ZNF197: variants seen among roughly 807,000 people sequenced by gnomAD.
ZNF197 encodes the protein zinc finger protein 197.
A neutral mutation model predicts 27.4 loss-of-function variants in ZNF197; 14 were observed. The observed-to-expected ratio is 0.51, with a 90% CI of 0.34 to 0.80. The LOEUF (loss-of-function observed/expected upper bound fraction) is 0.80. Among genes scored for constraint, ZNF197 ranks in the 30% least tolerant of loss-of-function variants. ZNF197 has a pLI of 0.02. For synonymous variants in ZNF197, 415 were observed against 420.0 expected, an observed-to-expected ratio of 0.99 and a Z score of 0.15; for missense variants, 1,090 against 1,222.6, an observed-to-expected ratio of 0.89 and a Z score of 1.62.
At chr3:44,641,209 T>C (rs1404940470) in intron 5 of ZNF197, among the ~76,000 whole-genome samples, 1 of 152,242 alleles carries the variant, frequency 6.6e-6, no homozygotes, top group Non-Finnish European at 1.5e-5. Context: ...TTTCATACTT[T>C]TATTCTATTT....
rs1340465791 is a variant in ZNF197, at chr3:44,646,377, A to G, written c.*2157A>G. The G allele has an allele frequency of 3.2e-6, 5 of 1,567,312 alleles. No homozygotes were observed. On this transcript the variant is annotated 3_prime_UTR_variant, in exon 6 of 6. Transcript: ENST00000344387. Reference sequence around the variant, plus strand: ...GATTTACCTCTTCACCGAGTAACAAAATGTCACATTGCTTAGATTGAGACA... The same window carrying G: ...GATTTACCTCTTCACCGAGTAACAAGATGTCACATTGCTTAGATTGAGACA...
At chr3:44,638,071 A>G (rs1366983598) in intron 5 of ZNF197, among the ~76,000 whole-genome samples, 1 of 152,156 alleles carries the variant, frequency 6.6e-6, no homozygotes, top group Non-Finnish European at 1.5e-5. Flanking sequence ...TCAATGTTAA[A>G]TCTTTTAATC....
At chr3:44,628,625 C>T (rs1283284885) in intron 1 of ZNF197, among the ~76,000 whole-genome samples, 2 of 152,180 alleles carry the variant, frequency 1.3e-5, no homozygotes, top group African/African-American at 2.4e-5. Flanking sequence ...AACCCGTATA[C>T]CAGGCACTGT....
intron 5 of ZNF197, among the ~76,000 whole-genome samples, chr3:44,636,879 T>C (rs1702325347): frequency 6.6e-6 from 1 of 152,188 alleles, no homozygotes. Context: ...TTATTATCTG[T>C]CTTTTTTATT....
At chr3:44,635,083 G>T (rs1702208255) in intron 5 of ZNF197, among the ~76,000 whole-genome samples, 1 of 151,326 alleles carries the variant, frequency 6.6e-6, no homozygotes. Flanking sequence ...GGATTAATTG[G>T]CTAATTTTAT....
Position 44,643,301 on chromosome 3 carries a change from A to G in ZNF197, c.2171A>G (p.His724Arg). 1 of 1,613,936 alleles carries G rather than the reference A, an allele frequency of 6.2e-7. No homozygotes were observed. Among genetic ancestry groups the G allele is most frequent in the Non-Finnish European group, 8.5e-7 (1 of 1,179,964 alleles). ...TFIMSKSFMV[H>R]QKLHTQEKAY... The stretch of plus-strand genomic sequence containing the variant: ...ATTATGAGCAAAAGTTTTATGGTCC[A>G]TCAGAAACTCCATACACAAGAGAAA... The change falls in exon 6 of 6, where the codon CAT becomes CGT. Residue 724 changes from histidine to arginine, a missense_variant. His to Arg is a conservative substitution (Grantham distance 29, BLOSUM62 0). Transcript: ENST00000344387.
At position 44,643,736 on chromosome 3, in the gene ZNF197, G is replaced by A. The variant is rs1702773654; in HGVS notation, c.2606G>A (p.Ser869Asn). 6.2e-7 allele frequency: 1 copy of A among 1,614,000 alleles called. No homozygotes were observed. Among genetic ancestry groups the A allele is most frequent in the Non-Finnish European group, 8.5e-7 (1 of 1,180,012 alleles). The part of the protein sequence containing the change: ...RNLIEHQRIH[S>N]GEKTYECHVC... Reference sequence around the variant, plus strand: ...CTGATTGAACATCAAAGAATTCACAGTGGAGAAAAAACCTACGAATGTCAT... The same window carrying A: ...CTGATTGAACATCAAAGAATTCACAATGGAGAAAAAACCTACGAATGTCAT... The change falls in exon 6 of 6, where the codon AGT becomes AAT. Residue 869 changes from serine (S) to asparagine (N), a missense_variant. Physicochemically the swap from Ser to Asn is conservative, Grantham distance 46 (BLOSUM62 1). Coordinates refer to ENST00000344387, the MANE Select transcript of ZNF197 (RefSeq NM_006991.5).
rs1477027238 is a variant in ZNF197 at position 44,648,223 on chromosome 3, C to CT, written c.*4004dup. 6.6e-6 allele frequency: 1 copy of CT among 151,984 alleles called. No individual in the cohort carries two copies. Among genetic ancestry groups the CT allele is most frequent in the Admixed American group, 6.5e-5 (1 of 15,272 alleles). 9.4% of individuals were successfully genotyped at this position (151,984 alleles called of 1,614,324 possible). On this transcript the variant is annotated 3_prime_UTR_variant, in exon 6 of 6. Coordinates refer to ENST00000344387, the MANE Select transcript of ZNF197 (RefSeq NM_006991.5). ...AGGGAATTTTTGTTGATTTTCTTAC[C>CT]TGTGACGGTGGTGGTAGTTTGAAGA... is the stretch of plus-strand genomic sequence containing the variant.
intron 5 of ZNF197, among the ~76,000 whole-genome samples, chr3:44,639,769 A>G (rs2125817249): frequency 6.6e-6 from 1 of 152,194 alleles, no homozygotes; most frequent in Middle Eastern, 3.4e-3. Context: ...GGAAGAGGAA[A>G]GGACACGGAC....
intron 2 of ZNF197, chr3:44,630,797 CCTT>C (rs1701945212): frequency 3.2e-6 from 2 of 619,324 alleles, no homozygotes; most frequent in Admixed American, 2.1e-5. Flanking sequence ...CCCATTCCCT[CCTT>C]AACCCACACC....
chr3:44,629,026 G>C, intron 1 of ZNF197, 48 bp from the exon 2 acceptor site: 5 of 1,425,074 alleles, frequency 3.5e-6, no homozygotes, highest in Non-Finnish European at 4.7e-6. Flanking sequence ...GGAAAGCTCA[G>C]TTGTTTCTCT....
rs766123999 is a variant in ZNF197, at chr3:44,643,612, A to C, written c.2482A>C (p.Ser828Arg). Residue 828 changes from serine to arginine, a missense_variant, in exon 6 of 6, where the codon AGT becomes CGT. Transcript: ENST00000344387. The part of the protein sequence containing the change: ...YKCNDCGKVF[S>R]YRSNLIAHQR... ...ATGCAATGACTGTGGGAAGGTCTTC[A>C]GTTACCGCTCAAACCTTATAGCCCA... 14 of 1,614,104 alleles carry C rather than the reference A, an allele frequency of 8.7e-6. No individual in the cohort carries two copies. Among genetic ancestry groups the C allele is most frequent in the Non-Finnish European group, 1.2e-5 (14 of 1,180,050 alleles).
intron 5 of ZNF197, among the ~76,000 whole-genome samples, chr3:44,638,755 G>A (rs982409695): frequency 1.3e-5 from 2 of 152,162 alleles, no homozygotes; most frequent in Admixed American, 6.5e-5. Flanking sequence ...GTGCAGTGGC[G>A]TGATCACGGC....
At chr3:44,641,128 T>C (rs1290106074) in intron 5 of ZNF197, among the ~76,000 whole-genome samples, 3 of 152,350 alleles carry the variant, frequency 2.0e-5, no homozygotes, top group Middle Eastern at 3.4e-3. Context: ...GTTCATACTT[T>C]AAAATATTTG....
At chr3:44,634,780 A>G (rs570625808) in intron 5 of ZNF197, among the ~76,000 whole-genome samples, 6 of 152,096 alleles carry the variant, frequency 3.9e-5, no homozygotes, top group Admixed American at 6.5e-5. Context: ...TTATTTTGAC[A>G]TTTAAGCTTT....
At chr3:44,639,788 G>T (rs974741524) in intron 5 of ZNF197, among the ~76,000 whole-genome samples, 3 of 151,978 alleles carry the variant, frequency 2.0e-5, no homozygotes, top group African/African-American at 7.3e-5. Context: ...ACAGTGATAG[G>T]CAAGAAATGA....
At position 44,625,069 on chromosome 3, in the gene ZNF197, G is replaced by A. The variant is rs1282502404; in HGVS notation, c.-156G>A. On this transcript the variant is annotated 5_prime_UTR_variant, in exon 1 of 6. Transcript: ENST00000344387. ...TGTGCCTCGGCTGCCGGAAGGGCTC[G>A]TTCCTGTGTCATCTCCTAGCGGCCT... The A allele has an allele frequency of 3.3e-5, 5 of 152,246 alleles. No homozygotes were observed. Among genetic ancestry groups the A allele is most frequent in the African/African-American group, 1.2e-4 (5 of 41,456 alleles). 9.4% of individuals were successfully genotyped at this position (152,246 alleles called of 1,614,324 possible).
chr3:44,632,801 T>A (rs889604464), intron 5 of ZNF197, among the ~76,000 whole-genome samples: 7 of 152,074 alleles, frequency 4.6e-5, no homozygotes, highest in Non-Finnish European at 8.8e-5. Context: ...GTTTGAGGGA[T>A]TTTTTACATT....
chr3:44,632,497 T>C lies in ZNF197; in HGVS notation c.667T>C (p.Ser223Pro), dbSNP rs771573916. ...PQELVMFEEV[S>P]VCFTSEEWAC... ...GGAGTTGGTGATGTTCGAGGAGGTG[T>C]CAGTATGCTTCACTTCAGAGGAATG... The change falls in exon 5 of 6, where the codon TCA becomes CCA. Residue 223 changes from serine to proline, a missense_variant. By Grantham distance (74) the Ser-to-Pro change is moderately conservative (BLOSUM62 -1). Transcript: ENST00000344387. 3 of 1,605,470 alleles carry C rather than the reference T, an allele frequency of 1.9e-6. No homozygotes were observed. Among genetic ancestry groups the C allele is most frequent in the Non-Finnish European group, 2.5e-6 (3 of 1,176,662 alleles).
Sources: gnomAD v4.1 joint callset for allele counts (sites outside exome capture counted in the v4.1 genomes callset) on GRCh38, gnomAD v4.1.1 for gene constraint, MANE v1.5 for transcripts, NCBI Gene and HGNC (gene_info 2026-07-23, HGNC 2026-07-21) for gene names.